DAB1: variants seen among roughly 807,000 people sequenced by gnomAD.
The protein encoded by DAB1 is DAB adaptor protein 1.
Under a neutral mutation model 64.6 loss-of-function variants are expected in DAB1, and 15 were observed. The ratio of observed to expected loss-of-function variants is 0.23; its 90% CI spans 0.16 to 0.36. DAB1 has a LOEUF of 0.36. Among genes scored for constraint, DAB1 ranks in the 10% least tolerant of loss-of-function variants. The probability of loss-of-function intolerance (pLI) is 1.00; values close to 1 mark genes in which losing one functional copy is unlikely to be tolerated. For missense variants in DAB1, 596 were observed against 706.7 expected, an observed-to-expected ratio of 0.84 and a Z score of 1.78; for synonymous variants, 235 against 251.9, an observed-to-expected ratio of 0.93 and a Z score of 0.64.
intron 2 of DAB1, among the ~76,000 whole-genome samples, chr1:57,182,249 T>A (rs1014247266): frequency 2.0e-5 from 3 of 152,168 alleles, no homozygotes; most frequent in Admixed American, 6.5e-5. Flanking sequence ...TAATAGAGGT[T>A]CAAACATTTA....
chr1:57,612,238 T>C (rs1367006463), intron 7 of DAB1, among the ~76,000 whole-genome samples: 1 of 151,924 alleles, frequency 6.6e-6, no homozygotes, highest in African/African-American at 2.4e-5. Context: ...TGCGTGTGTG[T>C]GTGTAAATTT....
Position 57,649,281 on chromosome 1 carries a change from G to C in DAB1, n.625+311C>G, listed in dbSNP as rs552533238. Among the ~76,000 whole-genome samples, 28 of 152,244 alleles carry C rather than the reference G, an allele frequency of 1.8e-4. No homozygotes were observed. In the South Asian group the frequency reaches 5.8e-3, roughly 32 times the overall value. On this transcript the variant is annotated intron_variant and non_coding_transcript_variant, in intron 7 of 20. Transcript: ENST00000485760. ...GTTGAAAATCAAGCCAATCTGAGATGATCTATTAGAAGTGGCTAAAACAGA... is the reference window on the plus strand; with the variant it reads ...GTTGAAAATCAAGCCAATCTGAGATCATCTATTAGAAGTGGCTAAAACAGA...
At chr1:58,544,097 T>C (rs1383529012) in intron 1 of DAB1, among the ~76,000 whole-genome samples, 1 of 152,230 alleles carries the variant, frequency 6.6e-6, no homozygotes, top group African/African-American at 2.4e-5. Context: ...TATGATGGAA[T>C]TTGAACTTGC....
At chr1:57,790,624 C>T (rs766087294) in intron 6 of DAB1, among the ~76,000 whole-genome samples, 2 of 152,044 alleles carry the variant, frequency 1.3e-5, no homozygotes, top group Non-Finnish European at 2.9e-5. Context: ...CTAGGCAGCA[C>T]AGAGGAGGGG....
chr1:58,258,467 C>G (rs1660983132), intron 4 of DAB1, among the ~76,000 whole-genome samples: 1 of 152,168 alleles, frequency 6.6e-6, no homozygotes. Context: ...CTAATTCCAG[C>G]TCTGCTGTAA....
At chr1:57,071,317 A>C in intron 6 of DAB1, 1 of 691,394 alleles carries the variant, frequency 1.4e-6, no homozygotes, top group Non-Finnish European at 2.3e-6. Flanking sequence ...TGGATTCGAG[A>C]TTTCACTTCA....
chr1:57,842,418 A>G (rs1162946615), intron 1 of DAB1, among the ~76,000 whole-genome samples: 1 of 151,980 alleles, frequency 6.6e-6, no homozygotes, highest in Non-Finnish European at 1.5e-5. Context: ...TCACTTCCAC[A>G]TTTTCAAGTA....
chr1:57,572,919 A>T (rs190712918), intron 7 of DAB1, among the ~76,000 whole-genome samples: 4 of 152,260 alleles, frequency 2.6e-5, no homozygotes, highest in Non-Finnish European at 4.4e-5. Flanking sequence ...AGATCTTTCA[A>T]GGACTCACTA....
chr1:57,146,042 C>T (rs1373997309), intron 2 of DAB1, among the ~76,000 whole-genome samples: 1 of 152,152 alleles, frequency 6.6e-6, no homozygotes, highest in Non-Finnish European at 1.5e-5. Flanking sequence ...CTGCACCTTC[C>T]AACAGGCTCT....
At chr1:57,961,697 G>A (rs527822367) in intron 5 of DAB1, among the ~76,000 whole-genome samples, 1 of 152,284 alleles carries the variant, frequency 6.6e-6, no homozygotes, top group South Asian at 2.1e-4. Flanking sequence ...GGCTGGGTGT[G>A]GTGGCTCACG....
At chr1:57,723,505 G>A (rs1477069197) in intron 6 of DAB1, among the ~76,000 whole-genome samples, 3 of 151,782 alleles carry the variant, frequency 2.0e-5, no homozygotes, top group East Asian at 3.8e-4. Context: ...GACAACTTTG[G>A]GTTTGCAGGA....
At chr1:58,254,414 T>G (rs1485861427) in intron 4 of DAB1, among the ~76,000 whole-genome samples, 4 of 149,300 alleles carry the variant, frequency 2.7e-5, no homozygotes, top group Non-Finnish European at 5.9e-5. Flanking sequence ...TTATTATACT[T>G]TAAGTTTTAG....
At chr1:57,288,471 G>A (rs572236583) in intron 2 of DAB1, among the ~76,000 whole-genome samples, 1 of 152,298 alleles carries the variant, frequency 6.6e-6, no homozygotes. Context: ...TGAGTGTGGG[G>A]CTCTTGTGAT....
At chr1:57,431,298 T>G (rs1685507113) in intron 7 of DAB1, among the ~76,000 whole-genome samples, 1 of 151,806 alleles carries the variant, frequency 6.6e-6, no homozygotes, top group Non-Finnish European at 1.5e-5. Flanking sequence ...TTTTGAAATT[T>G]AGAGTGAAAA....
intron 4 of DAB1, among the ~76,000 whole-genome samples, chr1:58,155,518 G>T (rs1286539680): frequency 2.0e-5 from 3 of 152,186 alleles, no homozygotes; most frequent in Non-Finnish European, 4.4e-5. Context: ...GCCCCATCCA[G>T]CCTTGGAGTC....
chr1:57,001,055 C>T (rs1029942646), intron 14 of DAB1, among the ~76,000 whole-genome samples: 1 of 152,162 alleles, frequency 6.6e-6, no homozygotes, highest in African/African-American at 2.4e-5. Flanking sequence ...GGAAAACCCC[C>T]AGCAGCAGAT....
intron 5 of DAB1, among the ~76,000 whole-genome samples, chr1:57,941,836 T>TA (rs1171387934): frequency 4.0e-5 from 6 of 150,662 alleles, no homozygotes; most frequent in Admixed American, 2.6e-4. Flanking sequence ...CTCCGTCTCT[T>TA]AAAAAAAAAG....
intron 6 of DAB1, among the ~76,000 whole-genome samples, chr1:57,704,290 G>A (rs1646940209): frequency 6.6e-6 from 1 of 152,162 alleles, no homozygotes; most frequent in African/African-American, 2.4e-5. Context: ...ATAAACAGAA[G>A]CTGTTTTCTA....
At chr1:57,248,265 A>T (rs537441) in intron 2 of DAB1, among the ~76,000 whole-genome samples, 86,390 of 151,110 alleles carry the variant, frequency 0.57, 24,788 homozygotes, top group Admixed American at 0.65. Flanking sequence ...GTTTTTTTTA[A>T]AAAAATACTT....
Sources: allele counts gnomAD v4.1 joint callset (sites outside exome capture counted in the v4.1 genomes callset), GRCh38; gene constraint gnomAD v4.1.1; transcripts MANE v1.5; gene names NCBI Gene and HGNC (gene_info 2026-07-23, HGNC 2026-07-21).